Variants in SMARCE1 observed in about 807,000 individuals in gnomAD.
The protein encoded by SMARCE1 is SWI/SNF related BAF chromatin remodeling complex subunit E1.
A neutral mutation model predicts 54.9 loss-of-function variants in SMARCE1; 13 were observed. The observed-to-expected ratio is 0.24, with a 90% CI of 0.15 to 0.38. The LOEUF (loss-of-function observed/expected upper bound fraction) is 0.38. SMARCE1 is among the 10% of genes least tolerant of loss of function. The pLI is 1.00. For missense variants in SMARCE1, 295 were observed against 523.8 expected (o/e 0.56, Z 4.26); for synonymous variants, 151 against 175.3 (o/e 0.86, Z 1.10).
rs1359252008 is a variant in SMARCE1 at position 40,625,643 on chromosome 17, T to C, written c.*3142A>G. ...AGTTTCACACTGTCAGCACCAACTG[T>C]CTAAAATCCAAAACTAGTATCTAAA... On this transcript the variant is annotated 3_prime_UTR_variant, in exon 11 of 11. Coordinates refer to ENST00000348513, the MANE Select transcript of SMARCE1 (RefSeq NM_003079.5). The C allele has an allele frequency of 6.6e-6, 1 of 152,184 alleles. No homozygotes were observed. The highest frequency in any genetic ancestry group is 1.5e-5 in the Non-Finnish European group (1 of 68,036). 9.4% of individuals were successfully genotyped at this position (152,184 alleles called of 1,614,324 possible). A position where few individuals can be genotyped will look rare whatever the true frequency, so the allele number is the denominator to read the frequency against.
At chr17:40,631,330 TGGGA>T in intron 9 of SMARCE1, 1 of 371,772 alleles carries the variant, frequency 2.7e-6, no homozygotes, top group South Asian at 5.5e-5. Flanking sequence ...AATGACTGTA[TGGGA>T]GTTTAACATA....
At chr17:40,632,144 G>T (rs777509921) in intron 8 of SMARCE1, 51 bp downstream of exon 8, 1 of 1,377,136 alleles carries the variant, frequency 7.3e-7, no homozygotes, top group African/African-American at 1.4e-5. Flanking sequence ...ATATCACCTG[G>T]GATTTGTGGT....
chr17:40,644,974 G>A (rs1377106083), intron 3 of SMARCE1: 2 of 152,264 alleles, frequency 1.3e-5, no homozygotes, highest in Non-Finnish European at 2.9e-5. Context: ...CTGGGCCAGA[G>A]CTTCCTGGGT....
At position 40,628,845 on chromosome 17, in the gene SMARCE1, G is replaced by A. The variant is rs2143980359; in HGVS notation, c.1176C>T (p.Asn392=). Residue 392 remains asparagine, a synonymous_variant, in exon 11 of 11, where the codon AAC becomes AAT. Transcript: ENST00000348513. ...TTGGTGGCTCCTCCACTGTTGCACTGTTGCTCTCCGAGCCAGTGTTACTAT... is the reference window on the plus strand; with the variant it reads ...TTGGTGGCTCCTCCACTGTTGCACTATTGCTCTCCGAGCCAGTGTTACTAT... The part of the protein sequence containing the change: ...TSDSNTGSES[N]SATVEEPPTD... The A allele has an allele frequency of 6.2e-7, 1 of 1,613,676 alleles. No homozygotes were observed. Among genetic ancestry groups the A allele is most frequent in the African/African-American group, 1.3e-5 (1 of 74,960 alleles).
At chr17:40,639,834 A>G (rs1387127770) in intron 4 of SMARCE1, 1 of 152,208 alleles carries the variant, frequency 6.6e-6, no homozygotes, top group African/African-American at 2.4e-5. Context: ...ATTCAATTAG[A>G]AACAACCACT....
Position 40,635,924 on chromosome 17 carries a change from C to A in SMARCE1, c.541+7G>T, listed in dbSNP as rs1041113342. On this transcript the variant is annotated splice_region_variant and intron_variant, in intron 7 of 10. Coordinates refer to ENST00000348513, the MANE Select transcript of SMARCE1 (RefSeq NM_003079.5). ...GCATAAACAAAACCCCACTTTTTTT[C>A]TTTTACCATCTGGATCTTCAGCAGG... The A allele has an allele frequency of 6.5e-7, 1 of 1,542,952 alleles. No homozygotes were observed. The highest frequency in any genetic ancestry group is 8.7e-7 in the Non-Finnish European group (1 of 1,147,318).
chr17:40,636,327 T>C (rs2037145730), intron 6 of SMARCE1, 68 bp downstream of exon 6: 3 of 1,511,172 alleles, frequency 2.0e-6, no homozygotes, highest in Admixed American at 3.4e-5. Context: ...ATGTTACTTT[T>C]ATAAATAGTA....
In SMARCE1 at chr17:40,627,757, T is replaced by C. The variant is rs2037050006; in HGVS notation, c.*1028A>G. 6.6e-6 allele frequency: 1 copy of C among 152,542 alleles called. No homozygotes were observed. Among genetic ancestry groups the C allele is most frequent in the Admixed American group, 6.5e-5 (1 of 15,274 alleles). The allele number at this position is 152,542 out of a possible 1,614,324, so 9.4% of individuals were successfully genotyped here. ...TACATTTGGACCTTTAAGAAACATATACCATCAGATATACCACTATTCAGT... is the reference window on the plus strand; with the variant it reads ...TACATTTGGACCTTTAAGAAACATACACCATCAGATATACCACTATTCAGT... On this transcript the variant is annotated 3_prime_UTR_variant, in exon 11 of 11. Coordinates refer to ENST00000348513, the MANE Select transcript of SMARCE1 (RefSeq NM_003079.5).
intron 7 of SMARCE1, 69 bp from the exon 8 acceptor site, chr17:40,632,436 C>T: frequency 7.3e-7 from 1 of 1,373,602 alleles, no homozygotes. Flanking sequence ...ACAATGTTAA[C>T]ACTTAATTAC....
At position 40,625,219 on chromosome 17, in the gene SMARCE1, C is replaced by T. The variant is rs1453721202; in HGVS notation, c.*3566G>A. On this transcript the variant is annotated 3_prime_UTR_variant, in exon 11 of 11. Coordinates refer to ENST00000348513, the MANE Select transcript of SMARCE1 (RefSeq NM_003079.5). ...ATAAACAATTGTATCATTACAAATA[C>T]ATTTAGACATCGTTTTCTGCTAAAC... 1 of 152,236 alleles carries T rather than the reference C, an allele frequency of 6.6e-6. No individual in the cohort carries two copies. Among genetic ancestry groups the T allele is most frequent in the Admixed American group, 6.5e-5 (1 of 15,286 alleles). 9.4% of individuals were successfully genotyped at this position (152,236 alleles called of 1,614,324 possible).
At chr17:40,629,407 G>T in intron 10 of SMARCE1, 1 of 550,792 alleles carries the variant, frequency 1.8e-6, no homozygotes, top group Non-Finnish European at 2.7e-6. Flanking sequence ...TATGTCACTA[G>T]TAGAAAATAT....
Position 40,635,941 on chromosome 17 carries a change from T to C in SMARCE1, c.531A>G (p.Glu177=), listed in dbSNP as rs377424178. Residue 177 remains glutamate (E), a synonymous_variant, in exon 7 of 11, where the codon GAA becomes GAG. Transcript: ENST00000348513. ...CTTTTTTTCTTTTACCATCTGGATC[T>C]TCAGCAGGCTGAATGCTCATGTACG... is the stretch of plus-strand genomic sequence containing the variant. ...GEPYMSIQPA[E]DPDDYDDGFS... 8.9e-6 allele frequency: 14 copies of C among 1,572,614 alleles called. No individual in the cohort carries two copies. Among genetic ancestry groups the C allele is most frequent in the African/African-American group, 1.4e-5 (1 of 73,058 alleles).
At chr17:40,637,772 T>G in intron 4 of SMARCE1, 200 bp from the exon 5 acceptor site, 1 of 560,050 alleles carries the variant, frequency 1.8e-6, no homozygotes, top group Non-Finnish European at 3.2e-6. Context: ...ATGTTTTACT[T>G]AGCAGTTTAT....
At chr17:40,640,798 CTA>C (rs1166999288) in intron 4 of SMARCE1, 1 of 152,182 alleles carries the variant, frequency 6.6e-6, no homozygotes, top group Non-Finnish European at 1.5e-5. Context: ...CAACAACTCT[CTA>C]TAATTAATCT....
At chr17:40,633,517 C>G (rs1381083209) in intron 7 of SMARCE1, 2 of 152,086 alleles carry the variant, frequency 1.3e-5, no homozygotes, top group African/African-American at 2.4e-5. Context: ...ACTTAATCAC[C>G]TCAGTGACCC....
At position 40,630,731 on chromosome 17, in the gene SMARCE1, T is replaced by C. The variant is rs765235194; in HGVS notation, c.1010A>G (p.Asn337Ser). ...NKGEEKKDDE[N>S]IPMETEETHL... ...TGGGTTACCTGTCTCCATCGGAATGTTCTCGTCGTCTTTCTTCTCCTCGCC... is the reference window on the plus strand; with the variant it reads ...TGGGTTACCTGTCTCCATCGGAATGCTCTCGTCGTCTTTCTTCTCCTCGCC... Residue 337 changes from asparagine to serine, a missense_variant, in exon 10 of 11, where the codon AAC becomes AGC. By Grantham distance (46) the Asn-to-Ser change is conservative. Around this residue, in one of 5 missense-constraint regions of SMARCE1, gnomAD observed 147 missense variants for 161.4 expected, o/e 0.91. Coordinates refer to ENST00000348513, the MANE Select transcript of SMARCE1 (RefSeq NM_003079.5). 22 of 1,614,036 alleles carry C rather than the reference T, an allele frequency of 1.4e-5. No homozygotes were observed. The South Asian group carries it at 2.3e-4, about 17-fold the overall frequency.
intron 9 of SMARCE1, chr17:40,631,174 A>G: frequency 2.4e-6 from 1 of 414,998 alleles, no homozygotes; most frequent in Non-Finnish European, 4.2e-6. Context: ...GAGGCAAAAT[A>G]GTGAAAGTTC....
rs2037206686 is a variant in SMARCE1 at position 40,642,282 on chromosome 17, C to T, written c.156+173G>A. The T allele has an allele frequency of 5.9e-6, 4 of 675,176 alleles. No individual in the cohort carries two copies. Among genetic ancestry groups the T allele is most frequent in the Non-Finnish European group, 8.0e-6 (3 of 375,684 alleles). The allele number at this position is 675,176 out of a possible 1,614,324, so 41.8% of individuals were successfully genotyped here. On this transcript the variant is annotated intron_variant, in intron 4 of 10. Coordinates refer to ENST00000348513, the MANE Select transcript of SMARCE1 (RefSeq NM_003079.5). The surrounding 1 kb of genome is among the most constrained non-coding windows in gnomAD (Gnocchi z 4.6). Reference sequence around the variant, plus strand: ...TCTTCTATATACATTCCAGATCTCACTATTTATTTTTTCAGTGTGAGATGC... The same window carrying T: ...TCTTCTATATACATTCCAGATCTCATTATTTATTTTTTCAGTGTGAGATGC...
intron 3 of SMARCE1, chr17:40,643,988 ATGGTGG>A (rs998432212): frequency 6.4e-6 from 1 of 155,870 alleles, no homozygotes; most frequent in African/African-American, 2.4e-5. Flanking sequence ...AGTGGTGGTG[ATGGTGG>A]TGGTGGTGGT....
Sources: gnomAD v4.1 joint callset for allele counts on GRCh38, gnomAD v4.1.1 for gene constraint, gnomAD v4.1.1 regional missense constraint, Gnocchi (gnomAD v3.1) non-coding constraint, MANE v1.5 for transcripts, NCBI Gene and HGNC (gene_info 2026-07-23, HGNC 2026-07-21) for gene names.